The following ABCB4 variants were observed in gnomAD, a reference collection of about 807,000 sequenced individuals.
The protein encoded by ABCB4 is phosphatidylcholine translocator ABCB4.
A neutral mutation model predicts 145.7 loss-of-function variants in ABCB4; 76 were observed. The observed-to-expected ratio is 0.52, with a 90% CI of 0.43 to 0.63. ABCB4 has a LOEUF of 0.63. ABCB4 is among the 30% of genes least tolerant of loss of function. The pLI, the probability that ABCB4 is intolerant of heterozygous loss-of-function variation, is 0.00. For missense variants in ABCB4, 1,234 were observed against 1,553.1 expected, an observed-to-expected ratio of 0.79 and a Z score of 3.45; for synonymous variants, 517 against 566.8, an observed-to-expected ratio of 0.91 and a Z score of 1.25.
chr7:87,452,787 G>C (rs1333491018), intron 6 of ABCB4, 157 bp downstream of exon 6: 1 of 843,114 alleles, frequency 1.2e-6, no homozygotes, highest in Non-Finnish European at 1.9e-6. Context: ...AATGGCATAG[G>C]CTATAGATGC....
At chr7:87,468,366 T>A (rs142202084) in intron 3 of ABCB4, among the ~76,000 whole-genome samples, 3,155 of 152,214 alleles carry the variant, frequency 0.021, 47 homozygotes, top group Non-Finnish European at 0.031. Context: ...AATCTCTGAA[T>A]AGACCAATAA....
chr7:87,462,313 AT>A (rs901318383), intron 4 of ABCB4, among the ~76,000 whole-genome samples: 1 of 152,036 alleles, frequency 6.6e-6, no homozygotes, highest in South Asian at 2.1e-4. Context: ...AATGGGTATA[AT>A]TTTTTTTAAG....
chr7:87,423,827 G>A, intron 17 of ABCB4, 79 bp downstream of exon 17: 1 of 1,570,560 alleles, frequency 6.4e-7, no homozygotes, highest in Non-Finnish European at 8.8e-7. Context: ...CCAGAATGGA[G>A]CCAGTCAGTG....
At chr7:87,386,005 C>T in the ABCB4 span, among the ~76,000 whole-genome samples, 1 of 152,000 alleles carries the variant, frequency 6.6e-6, no homozygotes, top group Non-Finnish European at 1.5e-5. Flanking sequence ...TATGTTGAAC[C>T]ATCTGAATCC....
intron 4 of ABCB4, among the ~76,000 whole-genome samples, chr7:87,456,405 G>A (rs1812105374): frequency 6.6e-6 from 1 of 152,134 alleles, no homozygotes; most frequent in Admixed American, 6.5e-5. Context: ...ATGGCTTGGT[G>A]CCCTCCCTGA....
chr7:87,402,279 T>G lies in ABCB4; in HGVS notation c.3657A>C (p.Lys1219Asn). ...SEKVVQEALDKAREGRTCIVI... is the reference protein window; with the variant it reads ...SEKVVQEALDNAREGRTCIVI... Reference sequence around the variant, plus strand: ...CAATGCAGGTGCGGCCTTCTCTGGCTTTGTCCAGGGCTTCTTGGACAACCT... The same window carrying G: ...CAATGCAGGTGCGGCCTTCTCTGGCGTTGTCCAGGGCTTCTTGGACAACCT... The change falls in exon 28 of 28, where the codon AAA becomes AAC. Residue 1219 changes from lysine to asparagine, a missense_variant. Physicochemically the swap from Lys to Asn is moderately conservative, Grantham distance 94. Transcript: ENST00000649586. The G allele has an allele frequency of 6.2e-7, 1 of 1,614,030 alleles. No homozygotes were observed. Among genetic ancestry groups the G allele is most frequent in the Non-Finnish European group, 8.5e-7 (1 of 1,179,926 alleles).
chr7:87,398,186 C>T, downstream of ABCB4: 1 of 417,080 alleles, frequency 2.4e-6, no homozygotes, highest in Non-Finnish European at 4.6e-6. Context: ...AATTCATATT[C>T]CAACTCATTC....
chr7:87,449,840 G>C (rs1811589973), intron 8 of ABCB4, 128 bp downstream of exon 8: 2 of 1,386,240 alleles, frequency 1.4e-6, no homozygotes, highest in Non-Finnish European at 2.0e-6. Context: ...ATCAGTAAAG[G>C]GTGCTTATAA....
At chr7:87,439,604 A>G (rs1366420072) in intron 14 of ABCB4, 63 bp downstream of exon 14, 3 of 1,584,950 alleles carry the variant, frequency 1.9e-6, no homozygotes, top group Non-Finnish European at 2.6e-6. Context: ...CTCCGGAAGC[A>G]CTGGCAAGAA....
At chr7:87,431,062 G>C (rs922956111) in intron 15 of ABCB4, among the ~76,000 whole-genome samples, 18 of 152,162 alleles carry the variant, frequency 1.2e-4, no homozygotes, top group Non-Finnish European at 1.2e-4. Context: ...ATAACTCAGA[G>C]CCGGGGCTCC....
At chr7:87,473,552 C>T (rs1315459193) in intron 2 of ABCB4, among the ~76,000 whole-genome samples, 1 of 152,190 alleles carries the variant, frequency 6.6e-6, no homozygotes, top group African/African-American at 2.4e-5. Context: ...TCTACCCTAA[C>T]CACCCTACTT....
chr7:87,460,097 G>A (rs1471081603), intron 4 of ABCB4, among the ~76,000 whole-genome samples: 1 of 152,072 alleles, frequency 6.6e-6, no homozygotes, highest in East Asian at 1.9e-4. Flanking sequence ...TGCTACTAAA[G>A]GGATGGGTGA....
the ABCB4 span, among the ~76,000 whole-genome samples, chr7:87,392,089 G>C: frequency 6.6e-6 from 1 of 152,168 alleles, no homozygotes; most frequent in Non-Finnish European, 1.5e-5. Context: ...TTCATATAGT[G>C]GAACCAGGAC....
chr7:87,466,183 C>T (rs1410148096), intron 3 of ABCB4, among the ~76,000 whole-genome samples: 1 of 152,108 alleles, frequency 6.6e-6, no homozygotes, highest in Non-Finnish European at 1.5e-5. Flanking sequence ...ACTAGAATAA[C>T]CGATGCAGAG....
intron 25 of ABCB4, among the ~76,000 whole-genome samples, chr7:87,407,059 G>C (rs1056051715): frequency 6.6e-6 from 1 of 152,178 alleles, no homozygotes; most frequent in Non-Finnish European, 1.5e-5. Context: ...CAGTGTCTTT[G>C]GGAGGATTAT....
intron 20 of ABCB4, 122 bp from the exon 21 acceptor site, chr7:87,417,637 A>G: frequency 3.8e-6 from 3 of 791,338 alleles, no homozygotes; most frequent in Non-Finnish European, 6.5e-6. Context: ...GCTTACTTTC[A>G]TTACAATAAA....
chr7:87,464,854 G>A lies in ABCB4; in HGVS notation c.136-1946C>T, dbSNP rs45547236. ...TTGTAGGATTGTATTTTCTGTAGGA[G>A]GCAGATTTAAAACCTATGCATTAAA... On this transcript the variant is annotated intron_variant, in intron 3 of 27. Coordinates refer to ENST00000649586, the MANE Select transcript of ABCB4 (RefSeq NM_000443.4). Among the ~76,000 whole-genome samples the A allele has an allele frequency of 2.9e-3, 441 of 152,220 alleles. 1 individual carries two copies. Among genetic ancestry groups the A allele is most frequent in the Non-Finnish European group, 5.1e-3 (350 of 68,020 alleles).
chr7:87,463,748 T>C (rs45469297), intron 3 of ABCB4, among the ~76,000 whole-genome samples: 4,664 of 152,262 alleles, frequency 0.031, 83 homozygotes, highest in Middle Eastern at 0.055. Flanking sequence ...ACCAAGAATC[T>C]TGGACACAGT....
chr7:87,462,701 T>C, intron 4 of ABCB4, 57 bp downstream of exon 4: 3 of 1,569,226 alleles, frequency 1.9e-6, no homozygotes, highest in Non-Finnish European at 2.6e-6. Context: ...AACTCCCAAA[T>C]TTTTACCCAG....
Sources: allele counts gnomAD v4.1 joint callset (sites outside exome capture counted in the v4.1 genomes callset), GRCh38; gene constraint gnomAD v4.1.1; transcripts MANE v1.5; gene names NCBI Gene and HGNC (gene_info 2026-07-23, HGNC 2026-07-21).